The following ALDH1A2 variants were observed in gnomAD, a reference collection of about 807,000 sequenced individuals.
ALDH1A2 encodes the protein retinal dehydrogenase 2.
Under a neutral mutation model 60.3 loss-of-function variants are expected in ALDH1A2, and 27 were observed. That is an observed-to-expected ratio of 0.45 (90% CI 0.33 to 0.62). ALDH1A2 has a LOEUF of 0.62. ALDH1A2 is among the 20% of genes least tolerant of loss of function. The pLI is 0.02. For synonymous variants in ALDH1A2, 289 were observed against 232.4 expected (o/e 1.24, Z -2.21); for missense variants, 581 against 643.8 (o/e 0.90, Z 1.06).
intron 1 of ALDH1A2, among the ~76,000 whole-genome samples, chr15:58,017,187 A>T (rs1480165740): frequency 1.3e-5 from 2 of 152,198 alleles, no homozygotes; most frequent in African/African-American, 2.4e-5. Context: ...TAATTATTTA[A>T]TAGGAAGGAC....
At chr15:58,004,702 T>TGTGTGTGTGTGA (rs1566945513) in intron 4 of ALDH1A2, among the ~76,000 whole-genome samples, 4 of 110,520 alleles carry the variant, frequency 3.6e-5, no homozygotes, top group African/African-American at 1.2e-4. Flanking sequence ...TTTGTGTGTG[T>TGTGTGTGTGTGA]GCGTGTGTGT....
chr15:57,982,653 C>T (rs1400390961), intron 7 of ALDH1A2, among the ~76,000 whole-genome samples: 2 of 152,176 alleles, frequency 1.3e-5, no homozygotes, highest in Admixed American at 6.5e-5. Flanking sequence ...ATTTACTGTT[C>T]AGCTTGGGAA....
intron 1 of ALDH1A2, among the ~76,000 whole-genome samples, chr15:58,060,463 C>CT (rs35187901): frequency 0.2 from 17,232 of 87,420 alleles, 1,733 homozygotes; most frequent in African/African-American, 0.24. Context: ...CCACACATAT[C>CT]TTTTTTTTTT....
At chr15:57,963,026 G>A (rs1257138224) in intron 9 of ALDH1A2, among the ~76,000 whole-genome samples, 1 of 152,080 alleles carries the variant, frequency 6.6e-6, no homozygotes, top group African/African-American at 2.4e-5. Context: ...TAAAGTACAC[G>A]AGGCCTTCAG....
chr15:58,055,623 C>A (rs1896876405), intron 1 of ALDH1A2, among the ~76,000 whole-genome samples: 1 of 151,882 alleles, frequency 6.6e-6, no homozygotes, highest in South Asian at 2.1e-4. Context: ...AGTATATACA[C>A]AGAAGGGGTA....
chr15:57,962,276 T>C (rs1236339325), intron 9 of ALDH1A2, 100 bp from the exon 10 acceptor site: 1 of 1,419,352 alleles, frequency 7.0e-7, no homozygotes, highest in African/African-American at 1.4e-5. Flanking sequence ...TTTTTCAAAG[T>C]TTAACTACAC....
chr15:57,963,336 G>A (rs1443015326), intron 9 of ALDH1A2, among the ~76,000 whole-genome samples: 1 of 149,040 alleles, frequency 6.7e-6, no homozygotes, highest in Admixed American at 6.8e-5. Context: ...AGTCCCAAAG[G>A]TCAGAATATT....
Position 57,995,092 on chromosome 15 carries a change from C to G in ALDH1A2, c.541G>C (p.Gly181Arg). 1 of 1,612,478 alleles carries G rather than the reference C, an allele frequency of 6.2e-7. No individual in the cohort carries two copies. The highest frequency in any genetic ancestry group is 1.1e-5 in the South Asian group (1 of 91,012). Reference protein sequence around the residue: ...FTRHEPIGVCGQIIPWNFPLL... With the variant: ...FTRHEPIGVCRQIIPWNFPLL... ...AATACACTCACTGGGATGATCTGTCCACACACTCCAATGGGTTCATGTCTT... is the reference window on the plus strand; with the variant it reads ...AATACACTCACTGGGATGATCTGTCGACACACTCCAATGGGTTCATGTCTT... The change falls in exon 5 of 13, where the codon GGA becomes CGA. Residue 181 changes from glycine to arginine, a missense_variant. Transcript: ENST00000249750.
At chr15:58,011,685 T>C (rs35590004) in intron 3 of ALDH1A2, among the ~76,000 whole-genome samples, 379 of 152,306 alleles carry the variant, frequency 2.5e-3, no homozygotes, top group African/African-American at 7.0e-3. Context: ...GAAAATACTA[T>C]GACTTCCAGT....
At chr15:58,051,151 GAATT>G (rs1896769483) in intron 1 of ALDH1A2, among the ~76,000 whole-genome samples, 1 of 152,090 alleles carries the variant, frequency 6.6e-6, no homozygotes, top group Non-Finnish European at 1.5e-5. Context: ...CGTATTTAAA[GAATT>G]AAATTATTCC....
intron 1 of ALDH1A2, among the ~76,000 whole-genome samples, chr15:58,022,865 C>T (rs1895970061): frequency 6.6e-6 from 1 of 151,990 alleles, no homozygotes; most frequent in Non-Finnish European, 1.5e-5. Context: ...AAAATTCCTC[C>T]CCTATGAAAG....
Position 57,954,038 on chromosome 15 carries a change from GTGT to G in ALDH1A2, c.*1156_*1158del, listed in dbSNP as rs1893433872. ...CTGCCCAGTGAGGGGCAAGAATGGG[GTGT>G]GACAGAGGAGCTCAGTGGAGCACGG... On this transcript the variant is annotated 3_prime_UTR_variant, in exon 13 of 13. Transcript: ENST00000249750. 1 of 152,484 alleles carries G rather than the reference GTGT, an allele frequency of 6.6e-6. No homozygotes were observed. The highest frequency in any genetic ancestry group is 1.9e-4 in the East Asian group (1 of 5,324). 9.4% of individuals were successfully genotyped at this position (152,484 alleles called of 1,614,324 possible).
chr15:57,981,620 C>T (rs1894516187), intron 7 of ALDH1A2, among the ~76,000 whole-genome samples: 1 of 152,106 alleles, frequency 6.6e-6, no homozygotes, highest in Admixed American at 6.5e-5. Context: ...ACAGACTAAA[C>T]AATTCGCCAA....
At chr15:57,989,914 AATG>A (rs773295970) in intron 7 of ALDH1A2, among the ~76,000 whole-genome samples, 2,078 of 53,438 alleles carry the variant, frequency 0.039, 22 homozygotes, top group African/African-American at 0.066. Flanking sequence ...TTTGTTCAAA[AATG>A]ACAGGACGGA....
intron 12 of ALDH1A2, 80 bp downstream of exon 12, chr15:57,960,690 T>A (rs1893688407): frequency 1.6e-6 from 2 of 1,256,968 alleles, no homozygotes; most frequent in African/African-American, 3.0e-5. Context: ...TGTAAGATAA[T>A]TAAACTATTT....
At position 58,063,878 on chromosome 15, in the gene ALDH1A2, A is replaced by G. The variant is rs942148940; in HGVS notation, c.117+1656T>C. ...TAAAAGACTCCACATTAAAGGCTCC[A>G]ATTAGCTATAAATCAGTTGTCTTTC... On this transcript the variant is annotated intron_variant, in intron 1 of 12. Transcript: ENST00000249750. Among the ~76,000 whole-genome samples, 12 of 152,198 alleles carry G rather than the reference A, an allele frequency of 7.9e-5. No individual in the cohort carries two copies. In the South Asian group the frequency reaches 1.2e-3, roughly 16 times the overall value.
At chr15:57,970,445 T>G (rs1166355652) in intron 7 of ALDH1A2, among the ~76,000 whole-genome samples, 2 of 152,206 alleles carry the variant, frequency 1.3e-5, no homozygotes, top group African/African-American at 4.8e-5. Flanking sequence ...AAGATTGATA[T>G]CAGGAGTATC....
chr15:58,052,387 A>C (rs2140572045), intron 1 of ALDH1A2, among the ~76,000 whole-genome samples: 1 of 152,286 alleles, frequency 6.6e-6, no homozygotes, highest in African/African-American at 2.4e-5. Flanking sequence ...ACTTTTAAAA[A>C]GTAGGTGGAT....
chr15:58,032,828 C>T (rs530747283), intron 1 of ALDH1A2, among the ~76,000 whole-genome samples: 2 of 151,648 alleles, frequency 1.3e-5, no homozygotes, highest in Admixed American at 6.6e-5. Context: ...GCGTACCCAA[C>T]GGAATATTAT....
Sources: allele counts gnomAD v4.1 joint callset (sites outside exome capture counted in the v4.1 genomes callset), GRCh38; gene constraint gnomAD v4.1.1; transcripts MANE v1.5; gene names NCBI Gene and HGNC (gene_info 2026-07-23, HGNC 2026-07-21).